Variants in DNAH9 observed in about 807,000 individuals in gnomAD.
DNAH9 encodes the protein DNAH9 variant protein.
Under a neutral mutation model 471.6 loss-of-function variants are expected in DNAH9, and 345 were observed. That is an observed-to-expected ratio of 0.73 (90% confidence interval 0.67 to 0.80). DNAH9 has a LOEUF of 0.80. Ranked by LOEUF, DNAH9 falls within the 30% of genes least tolerant of loss-of-function variation. The probability of loss-of-function intolerance (pLI) is 0.00; values close to 1 mark genes in which losing one functional copy is unlikely to be tolerated. For missense variants in DNAH9, 5,407 were observed against 5,609.2 expected (o/e 0.96, Z 1.15); for synonymous variants, 2,093 against 2,123.6 (o/e 0.99, Z 0.40).
intron 20 of DNAH9, among the ~76,000 whole-genome samples, chr17:11,693,267 CAA>C (rs1239548520): frequency 2.8e-5 from 2 of 70,644 alleles, no homozygotes; most frequent in African/African-American, 1.2e-4. Flanking sequence ...TTTTTTGAGA[CAA>C]AGTCTCCCTC....
chr17:11,819,170 C>G (rs1970218132), intron 45 of DNAH9, among the ~76,000 whole-genome samples: 1 of 151,988 alleles, frequency 6.6e-6, no homozygotes, highest in Admixed American at 6.6e-5. Flanking sequence ...ACAAAATTCT[C>G]AAAAGAATAC....
At chr17:11,671,506 T>C (rs2073971922) in intron 17 of DNAH9, among the ~76,000 whole-genome samples, 1 of 152,096 alleles carries the variant, frequency 6.6e-6, no homozygotes, top group South Asian at 2.1e-4. Flanking sequence ...AGTTTGAACA[T>C]TTCAGTAGCT....
At chr17:11,633,539 C>T (rs1465397202) in intron 8 of DNAH9, among the ~76,000 whole-genome samples, 3 of 152,196 alleles carry the variant, frequency 2.0e-5, no homozygotes, top group South Asian at 4.1e-4. Context: ...AACCCAAATG[C>T]GGCAGGCTCC....
chr17:11,870,523 T>C (rs1972224872), intron 51 of DNAH9, among the ~76,000 whole-genome samples: 1 of 152,204 alleles, frequency 6.6e-6, no homozygotes, highest in Admixed American at 6.5e-5. Context: ...TGTGATGTAA[T>C]GAAGACCTGC....
At chr17:11,941,983 T>G (rs1002111750) in intron 66 of DNAH9, among the ~76,000 whole-genome samples, 1 of 152,252 alleles carries the variant, frequency 6.6e-6, no homozygotes, top group Non-Finnish European at 1.5e-5. Flanking sequence ...GCTTTCTAGT[T>G]TGATTCCCAC....
intron 61 of DNAH9, among the ~76,000 whole-genome samples, chr17:11,919,621 C>T (rs1974071808): frequency 6.6e-6 from 1 of 151,844 alleles, no homozygotes; most frequent in Non-Finnish European, 1.5e-5. Flanking sequence ...AATTGAGAAT[C>T]ACAAGCTGGT....
intron 54 of DNAH9, 95 bp from the exon 55 acceptor site, chr17:11,881,114 A>C (rs543240197): frequency 8.9e-7 from 1 of 1,126,042 alleles, no homozygotes; most frequent in East Asian, 2.3e-5. Flanking sequence ...ATCCATCTGA[A>C]TATAGCAATA....
intron 4 of DNAH9, among the ~76,000 whole-genome samples, chr17:11,616,413 G>A (rs1164537548): frequency 1.3e-5 from 2 of 152,148 alleles, no homozygotes; most frequent in African/African-American, 4.8e-5. Context: ...CTGATTATCT[G>A]CCCAGGACAG....
intron 50 of DNAH9, among the ~76,000 whole-genome samples, chr17:11,854,963 T>G (rs983624218): frequency 6.6e-5 from 10 of 152,350 alleles, no homozygotes; most frequent in Admixed American, 2.0e-4. Flanking sequence ...TGTTATTATG[T>G]CTGCTTCACC....
rs1220812190 is a variant in DNAH9 at position 11,623,722 on chromosome 17, A to G, written c.1350+3941A>G. 6.6e-6 allele frequency among the ~76,000 whole-genome samples: 1 copy of G among 152,150 alleles called. No individual in the cohort carries two copies. The highest frequency in any genetic ancestry group is 1.5e-5 in the Non-Finnish European group (1 of 68,026). On this transcript the variant is annotated intron_variant, in intron 6 of 68. Coordinates refer to ENST00000262442, the MANE Select transcript of DNAH9 (RefSeq NM_001372.4). This position sits in a 1 kb window ranked among gnomAD's most constrained non-coding sequence, Gnocchi z 4.1. ...ATGAACTTAGCCTTATTCATCTTCT[A>G]TTCTAATACAATCTATGGCCACTGA...
chr17:11,819,608 C>T (rs921946209), intron 45 of DNAH9, among the ~76,000 whole-genome samples: 1 of 152,122 alleles, frequency 6.6e-6, no homozygotes, highest in Non-Finnish European at 1.5e-5. Flanking sequence ...TCTCGAACTC[C>T]TGACCTTGTG....
intron 48 of DNAH9, among the ~76,000 whole-genome samples, chr17:11,824,581 G>A (rs983305962): frequency 2.6e-5 from 4 of 152,128 alleles, no homozygotes; most frequent in African/African-American, 7.2e-5. Context: ...TCTCTAAATT[G>A]TAGGAGAGCT....
chr17:11,641,390 G>A (rs1222417071), intron 10 of DNAH9, among the ~76,000 whole-genome samples: 4 of 152,056 alleles, frequency 2.6e-5, no homozygotes, highest in Admixed American at 2.6e-4. Context: ...CTCAAACTCT[G>A]TGCAGAACTA....
intron 48 of DNAH9, among the ~76,000 whole-genome samples, chr17:11,830,573 G>A (rs4548916): frequency 6.6e-6 from 1 of 151,876 alleles, no homozygotes; most frequent in Non-Finnish European, 1.5e-5. Flanking sequence ...GAGAAAAAAC[G>A]AAAAATGAAA....
rs757425510 is a variant in DNAH9, at chr17:11,854,191, C to A, written c.9696C>A (p.Asn3232Lys). The change falls in exon 50 of 69, where the codon AAC becomes AAA. Residue 3232 changes from asparagine to lysine, a missense_variant. This residue lies in a region of DNAH9 where 4,636 missense variants were observed against 4,900.3 expected (regional missense o/e 0.95). Coordinates refer to ENST00000262442, the MANE Select transcript of DNAH9 (RefSeq NM_001372.4). ...LDSLINFNKE[N>K]IHENCLKAIR... The stretch of plus-strand genomic sequence containing the variant: ...CGCTAATAAACTTCAACAAAGAGAA[C>A]ATTCACGAGAACTGCCTCAAAGCCA... 2 of 1,614,182 alleles carry A rather than the reference C, an allele frequency of 1.2e-6. No individual in the cohort carries two copies. The highest frequency in any genetic ancestry group is 3.3e-5 in the Admixed American group (2 of 60,020).
At chr17:11,879,491 A>G (rs1972630781) in intron 53 of DNAH9, among the ~76,000 whole-genome samples, 1 of 152,070 alleles carries the variant, frequency 6.6e-6, no homozygotes, top group Admixed American at 6.6e-5. Context: ...CTTATAAATT[A>G]TTGTTATTCT....
rs948449378 is a variant in DNAH9, at chr17:11,826,708, C to T, written c.9246+3674C>T. ...TGATCTCCTGACCTCGTGATCCGCCCGCCTCGGCGTCCCAAAGTGCTGGGA... is the reference window on the plus strand; with the variant it reads ...TGATCTCCTGACCTCGTGATCCGCCTGCCTCGGCGTCCCAAAGTGCTGGGA... On this transcript the variant is annotated intron_variant, in intron 48 of 68. Transcript: ENST00000262442. Among the ~76,000 whole-genome samples the T allele has an allele frequency of 4.6e-5, 7 of 151,668 alleles. No individual in the cohort carries two copies. The South Asian group carries it at 6.3e-4, about 14-fold the overall frequency.
At chr17:11,958,784 CA>C (rs1345034867) in intron 67 of DNAH9, among the ~76,000 whole-genome samples, 2 of 151,512 alleles carry the variant, frequency 1.3e-5, no homozygotes, top group African/African-American at 2.4e-5. Flanking sequence ...AACTTCTCAA[CA>C]AATTTTATGA....
rs865913000 is a variant in DNAH9 at position 11,762,785 on chromosome 17, T to G, written c.6996-655T>G. ...TTTTTTTTTTGTTTTTTTTTTTTTT[T>G]TTTTTTTTTTTTGAGATGGAGTCTC... is the stretch of plus-strand genomic sequence containing the variant. On this transcript the variant is annotated intron_variant, in intron 35 of 68. Transcript: ENST00000262442. 2.4e-3 allele frequency among the ~76,000 whole-genome samples: 332 copies of G among 135,600 alleles called. 3 individuals are homozygous for G. The highest frequency in any genetic ancestry group is 7.9e-3 in the African/African-American group (300 of 37,848). 89.0% of individuals were successfully genotyped at this position (135,600 alleles called of 152,430 possible). A position where few individuals can be genotyped will look rare whatever the true frequency, so the allele number is the denominator to read the frequency against.
Sources: allele counts gnomAD v4.1 joint callset (sites outside exome capture counted in the v4.1 genomes callset), GRCh38; gene constraint gnomAD v4.1.1; regional missense constraint gnomAD v4.1.1; non-coding constraint Gnocchi (gnomAD v3.1); transcripts MANE v1.5; gene names NCBI Gene and HGNC (gene_info 2026-07-23, HGNC 2026-07-21).